Variants in LRCH1 observed in about 807,000 individuals in gnomAD.
LRCH1 encodes leucine-rich repeat and calponin homology domain-containing protein 1.
In LRCH1, 23 loss-of-function variants were observed where a neutral mutation model predicts 94.9. That is an observed-to-expected ratio of 0.24 (90% CI 0.17 to 0.34). The LOEUF (loss-of-function observed/expected upper bound fraction) is 0.34. Ranked by LOEUF, LRCH1 falls within the 10% of genes least tolerant of loss-of-function variation. The pLI, the probability that LRCH1 is intolerant of heterozygous loss-of-function variation, is 1.00. For synonymous variants in LRCH1, 364 were observed against 354.9 expected (o/e 1.03, Z -0.29); for missense variants, 790 against 945.9 (o/e 0.84, Z 2.16).
intron 19 of LRCH1, among the ~76,000 whole-genome samples, chr13:46,739,842 G>A (rs1873564599): frequency 1.3e-5 from 2 of 152,156 alleles, no homozygotes; most frequent in Admixed American, 6.5e-5. Flanking sequence ...ATTGTTTCCT[G>A]GATGAGAAGA....
At chr13:46,635,620 G>A (rs575370321) in intron 1 of LRCH1, among the ~76,000 whole-genome samples, 21 of 152,082 alleles carry the variant, frequency 1.4e-4, no homozygotes, top group South Asian at 8.3e-4. Flanking sequence ...ACAAGTACCC[G>A]CCACCACGCC....
chr13:46,710,571 AT>A (rs1359208523), intron 13 of LRCH1, among the ~76,000 whole-genome samples: 8 of 152,212 alleles, frequency 5.3e-5, no homozygotes, highest in Non-Finnish European at 1.2e-4. Context: ...AGAGGAAAGA[AT>A]TGCTTATAGA....
At chr13:46,585,931 T>C (rs531262041) in intron 1 of LRCH1, among the ~76,000 whole-genome samples, 35 of 152,348 alleles carry the variant, frequency 2.3e-4, no homozygotes, top group Non-Finnish European at 4.9e-4. Context: ...GCGTGCTTTT[T>C]GCAGGTGTCT....
At chr13:46,688,079 G>C in intron 6 of LRCH1, 100 bp downstream of exon 6, 3 of 1,225,824 alleles carry the variant, frequency 2.4e-6, no homozygotes, top group Non-Finnish European at 3.3e-6. Context: ...AGTCACCATG[G>C]TATCTGCAGA....
intron 1 of LRCH1, among the ~76,000 whole-genome samples, chr13:46,595,287 A>G (rs1298005578): frequency 6.6e-6 from 1 of 152,150 alleles, no homozygotes; most frequent in Non-Finnish European, 1.5e-5. Flanking sequence ...AAGAAACCAT[A>G]CCTTTCCTGA....
chr13:46,720,563 C>G (rs1227413729), intron 16 of LRCH1, among the ~76,000 whole-genome samples: 1 of 152,166 alleles, frequency 6.6e-6, no homozygotes, highest in East Asian at 1.9e-4. Context: ...GTCTCATGGC[C>G]TCAAGTTAAA....
intron 1 of LRCH1, among the ~76,000 whole-genome samples, chr13:46,600,112 C>G (rs1566168335): frequency 1.3e-5 from 2 of 152,194 alleles, no homozygotes; most frequent in African/African-American, 4.8e-5. Flanking sequence ...TCTTGAACTC[C>G]TGGCCTCAGG....
chr13:46,742,309 G>A lies in LRCH1; in HGVS notation c.*461G>A. On this transcript the variant is annotated 3_prime_UTR_variant, in exon 20 of 20. Coordinates refer to ENST00000389797, the MANE Select transcript of LRCH1 (RefSeq NM_001164211.2). ...TGAGCTGTATAGGGGCCACCTTGCA[G>A]GGAGGACAGAAAACTAACATTTTGG... is the stretch of plus-strand genomic sequence containing the variant. 2 of 1,002,764 alleles carry A rather than the reference G, an allele frequency of 2.0e-6. No individual in the cohort carries two copies. The highest frequency in any genetic ancestry group is 2.4e-6 in the Non-Finnish European group (2 of 839,986). 62.1% of individuals were successfully genotyped at this position (1,002,764 alleles called of 1,614,324 possible).
intron 1 of LRCH1, among the ~76,000 whole-genome samples, chr13:46,640,409 C>T (rs1322433585): frequency 6.6e-6 from 1 of 152,118 alleles, no homozygotes; most frequent in East Asian, 1.9e-4. Flanking sequence ...TAATTACTTC[C>T]AAGTTCATGC....
At chr13:46,604,183 T>C (rs1050180039) in intron 1 of LRCH1, among the ~76,000 whole-genome samples, 3 of 152,240 alleles carry the variant, frequency 2.0e-5, no homozygotes, top group Non-Finnish European at 2.9e-5. Flanking sequence ...ATGCAATATT[T>C]GAGACATACT....
chr13:46,741,798 T>A lies in LRCH1; in HGVS notation c.2242T>A (p.Phe748Ile), dbSNP rs1873672098. Reference protein sequence around the residue: ...LIGFCLVHILFIVLVYITYHW... With the variant: ...LIGFCLVHILIIVLVYITYHW... The stretch of plus-strand genomic sequence containing the variant: ...AGGCTTCTGTCTTGTCCATATTCTC[T>A]TTATAGTGCTGGTCTATATCACTTA... Residue 748 changes from phenylalanine (F) to isoleucine (I), a missense_variant, in exon 20 of 20, where the codon TTT (phenylalanine) becomes ATT (isoleucine). This residue lies in a region of LRCH1 where 460 missense variants were observed against 508.9 expected (regional missense o/e 0.90). Coordinates refer to ENST00000389797, the MANE Select transcript of LRCH1 (RefSeq NM_001164211.2). 6.2e-7 allele frequency: 1 copy of A among 1,614,084 alleles called. No homozygotes were observed. Among genetic ancestry groups the A allele is most frequent in the Non-Finnish European group, 8.5e-7 (1 of 1,180,042 alleles).
intron 3 of LRCH1, among the ~76,000 whole-genome samples, chr13:46,671,719 G>T (rs2051603069): frequency 6.6e-6 from 1 of 152,110 alleles, no homozygotes; most frequent in African/African-American, 2.4e-5. Flanking sequence ...TTTGGTTTAG[G>T]ATTTGCAAAT....
intron 1 of LRCH1, among the ~76,000 whole-genome samples, chr13:46,643,782 AC>A (rs2051188098): frequency 1.3e-5 from 2 of 152,170 alleles, no homozygotes; most frequent in Admixed American, 1.3e-4. Flanking sequence ...ATATTTGGAA[AC>A]CTATTAATCA....
In LRCH1 at chr13:46,558,506, C is replaced by T. The variant is rs71432919; in HGVS notation, c.307+4803C>T. Reference sequence around the variant, plus strand: ...ATCCCAGCATTTTGGGAGGCTGAGGCGGGTGGATCACTTGAGGCCAGGAGT... The same window carrying T: ...ATCCCAGCATTTTGGGAGGCTGAGGTGGGTGGATCACTTGAGGCCAGGAGT... On this transcript the variant is annotated intron_variant, in intron 1 of 19. Transcript: ENST00000389797. Among the ~76,000 whole-genome samples the T allele has an allele frequency of 6.2e-5, 8 of 129,478 alleles. No individual in the cohort carries two copies. In the East Asian group the frequency reaches 1.8e-3, roughly 29 times the overall value. 84.9% of individuals were successfully genotyped at this position (129,478 alleles called of 152,430 possible).
chr13:46,615,655 T>C (rs1401421837), intron 1 of LRCH1, among the ~76,000 whole-genome samples: 1 of 152,248 alleles, frequency 6.6e-6, no homozygotes, highest in Non-Finnish European at 1.5e-5. Flanking sequence ...GACCTGCTTT[T>C]GTCTTATTGT....
intron 1 of LRCH1, among the ~76,000 whole-genome samples, chr13:46,579,506 C>CA (rs1200362816): frequency 6.7e-6 from 1 of 148,842 alleles, no homozygotes; most frequent in Non-Finnish European, 1.5e-5. Flanking sequence ...TAGCTGGTGG[C>CA]AAAAAAAGAT....
At chr13:46,623,508 T>A (rs544556209) in intron 1 of LRCH1, among the ~76,000 whole-genome samples, 1 of 152,198 alleles carries the variant, frequency 6.6e-6, no homozygotes, top group East Asian at 1.9e-4. Context: ...TTATAAAGTC[T>A]ACTCATCCTT....
intron 1 of LRCH1, among the ~76,000 whole-genome samples, chr13:46,565,421 G>A (rs1037397843): frequency 5.3e-5 from 8 of 152,058 alleles, no homozygotes; most frequent in African/African-American, 1.2e-4. Context: ...ACTTTCCTTC[G>A]GTTATGCTGC....
chr13:46,559,517 T>A (rs1260505947), intron 1 of LRCH1, among the ~76,000 whole-genome samples: 1 of 152,230 alleles, frequency 6.6e-6, no homozygotes, highest in East Asian at 1.9e-4. Flanking sequence ...TGGTTCTGAA[T>A]CACGTCTAGA....
Sources: allele counts gnomAD v4.1 joint callset (sites outside exome capture counted in the v4.1 genomes callset), GRCh38; gene constraint gnomAD v4.1.1; regional missense constraint gnomAD v4.1.1; transcripts MANE v1.5; gene names NCBI Gene and HGNC (gene_info 2026-07-23, HGNC 2026-07-21).